The following LY75 variants were observed in gnomAD, a reference collection of about 807,000 sequenced individuals.
LY75 encodes the protein C-type lectin domain family 13 member B.
LY75 carries 185 observed loss-of-function variants against 231.7 expected under a neutral mutation model. That is an observed-to-expected ratio of 0.80 (90% CI 0.71 to 0.90). LY75 has a LOEUF of 0.90. Among genes scored for constraint, LY75 ranks in the 40% least tolerant of loss-of-function variants. LY75 has a pLI of 0.00. For missense variants in LY75, 1,947 were observed against 2,050.2 expected, an observed-to-expected ratio of 0.95 and a Z score of 0.97; for synonymous variants, 668 against 689.0, an observed-to-expected ratio of 0.97 and a Z score of 0.48.
At chr2:159,842,956 AC>A (rs1684084850) in intron 23 of LY75, among the ~76,000 whole-genome samples, 1 of 138,038 alleles carries the variant, frequency 7.2e-6, no homozygotes, top group African/African-American at 2.4e-5. Context: ...GGAGATACTG[AC>A]AAAAAAAAAT....
chr2:159,821,605 G>A (rs1395247782), intron 28 of LY75, among the ~76,000 whole-genome samples: 1 of 123,978 alleles, frequency 8.1e-6, no homozygotes, highest in African/African-American at 3.1e-5. Flanking sequence ...GGTGACAAGA[G>A]CAAAAGTCTG....
intron 20 of LY75, 140 bp downstream of exon 20, chr2:159,853,133 G>T: frequency 1.2e-6 from 1 of 809,928 alleles, no homozygotes; most frequent in Non-Finnish European, 1.9e-6. Flanking sequence ...GGGAATTTGA[G>T]CTATTGTTGC....
intron 6 of LY75, among the ~76,000 whole-genome samples, chr2:159,883,907 C>G (rs1685510826): frequency 6.6e-6 from 1 of 152,176 alleles, no homozygotes; most frequent in Admixed American, 6.6e-5. Context: ...CCTTCACTCA[C>G]AGTTCCTTAA....
rs775505818 is a variant in LY75 at position 159,853,371 on chromosome 2, T to C, written c.2664-19A>G. On this transcript the variant is annotated intron_variant, in intron 19 of 34. Coordinates refer to ENST00000263636, the MANE Select transcript of LY75 (RefSeq NM_002349.4). ...TCGTGAGCTAAAAGAAAATGACAGA[T>C]TTGACAACTCGTAATGTAATTAGGT... is the stretch of plus-strand genomic sequence containing the variant. The C allele has an allele frequency of 2.5e-6, 4 of 1,611,576 alleles. No homozygotes were observed. The highest frequency in any genetic ancestry group is 3.4e-6 in the Non-Finnish European group (4 of 1,178,536).
At position 159,904,670 on chromosome 2, in the gene LY75, A is replaced by C; in HGVS notation, c.13T>G (p.Trp5Gly). MRTG[W>G]ATPRRPAGLL... Reference sequence around the variant, plus strand: ...CCCGCCGGGCGGCGAGGGGTCGCCCAGCCTGTCCTCATCCTGAGCTGGCGC... The same window carrying C: ...CCCGCCGGGCGGCGAGGGGTCGCCCCGCCTGTCCTCATCCTGAGCTGGCGC... Residue 5 changes from tryptophan to glycine, a missense_variant, in exon 1 of 35, where the codon TGG becomes GGG. Physicochemically the swap from Trp to Gly is radical, Grantham distance 184. Coordinates refer to ENST00000263636, the MANE Select transcript of LY75 (RefSeq NM_002349.4). 6.8e-7 allele frequency: 1 copy of C among 1,475,610 alleles called. No homozygotes were observed. The allele number at this position is 1,475,610 out of a possible 1,614,324, so 91.4% of individuals were successfully genotyped here. A position where few individuals can be genotyped will look rare whatever the true frequency, so the allele number is the denominator to read the frequency against.
intron 28 of LY75, among the ~76,000 whole-genome samples, chr2:159,828,303 C>A (rs1052543150): frequency 2.0e-5 from 3 of 150,386 alleles, no homozygotes; most frequent in African/African-American, 7.3e-5. Flanking sequence ...AGAATTCTTA[C>A]CCCTCGACAA....
At chr2:159,864,286 T>C (rs1164108698) in intron 14 of LY75, among the ~76,000 whole-genome samples, 2 of 152,200 alleles carry the variant, frequency 1.3e-5, no homozygotes, top group African/African-American at 4.8e-5. Context: ...TCTGTGTTTT[T>C]GAGTTCGTAT....
At chr2:159,875,234 C>T (rs1045783488) in intron 12 of LY75, among the ~76,000 whole-genome samples, 1 of 151,748 alleles carries the variant, frequency 6.6e-6, no homozygotes, top group Non-Finnish European at 1.5e-5. Flanking sequence ...TGGCTTTGGG[C>T]CTGCCCTTTC....
At position 159,878,728 on chromosome 2, in the gene LY75, CA is replaced by C. The variant is rs1685347587; in HGVS notation, c.1516-8del. Reference sequence around the variant, plus strand: ...CTCCATGTCTCTTCCAGCCCTAAGTCAGAGGAAAAATATTGTCAAACTCTTT... The same window carrying C: ...CTCCATGTCTCTTCCAGCCCTAAGTCGAGGAAAAATATTGTCAAACTCTTT... On this transcript the variant is annotated splice_polypyrimidine_tract_variant and splice_region_variant and intron_variant, in intron 9 of 34. Coordinates refer to ENST00000263636, the MANE Select transcript of LY75 (RefSeq NM_002349.4). 6 of 1,613,616 alleles carry C rather than the reference CA, an allele frequency of 3.7e-6. No homozygotes were observed. The highest frequency in any genetic ancestry group is 5.1e-6 in the Non-Finnish European group (6 of 1,179,784).
intron 14 of LY75, among the ~76,000 whole-genome samples, chr2:159,861,909 C>A (rs1354380980): frequency 6.6e-6 from 1 of 151,994 alleles, no homozygotes; most frequent in Non-Finnish European, 1.5e-5. Flanking sequence ...AATTCCAACA[C>A]TTTGGGAGGC....
Position 159,879,144 on chromosome 2 carries a change from A to C in LY75, c.1515+115T>G, listed in dbSNP as rs1574586027. 20 of 1,184,690 alleles carry C rather than the reference A, an allele frequency of 1.7e-5. No individual in the cohort carries two copies. In the East Asian group the frequency reaches 5.0e-4, roughly 30 times the overall value. 73.4% of individuals were successfully genotyped at this position (1,184,690 alleles called of 1,614,324 possible). A position where few individuals can be genotyped will look rare whatever the true frequency, so the allele number is the denominator to read the frequency against. ...CTGGCTTGTTCTAACTTAAATGAAC[A>C]GAAGCTAGTAGTTTCCTCTATTTTA... On this transcript the variant is annotated intron_variant, in intron 9 of 34. Coordinates refer to ENST00000263636, the MANE Select transcript of LY75 (RefSeq NM_002349.4).
intron 3 of LY75, among the ~76,000 whole-genome samples, chr2:159,893,179 C>T (rs1190288784): frequency 6.6e-6 from 1 of 152,194 alleles, no homozygotes; most frequent in African/African-American, 2.4e-5. Flanking sequence ...ATTTCCCCAA[C>T]AGGCCAGTTT....
intron 2 of LY75, among the ~76,000 whole-genome samples, chr2:159,896,382 A>G (rs954925844): frequency 6.6e-6 from 1 of 152,206 alleles, no homozygotes; most frequent in Non-Finnish European, 1.5e-5. Flanking sequence ...ACAGTGATAA[A>G]TTAATGTTCT....
chr2:159,864,857 T>C lies in LY75; in HGVS notation c.2181A>G (p.Gln727=), dbSNP rs1438858103. Residue 727 remains glutamine (Q), a synonymous_variant, in exon 14 of 35, where the codon CAA becomes CAG. Coordinates refer to ENST00000263636, the MANE Select transcript of LY75 (RefSeq NM_002349.4). ...AACTTACTGGTGTACGATCACTCCA[T>C]TGCCAGGATCCTTGTAAATCTGGGC... ...KRSPDLQGSW[Q]WSDRTPVSTI... The C allele has an allele frequency of 6.2e-7, 1 of 1,604,102 alleles. No individual in the cohort carries two copies. Among genetic ancestry groups the C allele is most frequent in the East Asian group, 2.2e-5 (1 of 44,580 alleles).
Position 159,835,511 on chromosome 2 carries a change from A to C in LY75, c.3642T>G (p.Asn1214Lys). The C allele has an allele frequency of 6.2e-7, 1 of 1,611,428 alleles. No homozygotes were observed. Among genetic ancestry groups the C allele is most frequent in the African/African-American group, 1.3e-5 (1 of 74,990 alleles). ...AATAGTAGCAAATAGCACCTGGTTG[A>C]TTGTCATTGCAATCAACTGTTTTCC... ...GFWKTVDCND[N>K]QPGAICYYSG... The change falls in exon 26 of 35, where the codon AAT becomes AAG. Residue 1214 changes from asparagine (N) to lysine (K), a missense_variant. Transcript: ENST00000263636.
At chr2:159,853,546 T>G (rs1304947346) in intron 19 of LY75, 84 bp downstream of exon 19, 2 of 1,588,392 alleles carry the variant, frequency 1.3e-6, no homozygotes, top group African/African-American at 2.7e-5. Flanking sequence ...TTCAAACTAC[T>G]TATAAATAGA....
intron 4 of LY75, among the ~76,000 whole-genome samples, chr2:159,888,049 G>T (rs1685646297): frequency 6.6e-6 from 1 of 152,134 alleles, no homozygotes; most frequent in Non-Finnish European, 1.5e-5. Context: ...GGCTTATTTG[G>T]CAGATTTTCA....
In LY75 at chr2:159,881,110, C is replaced by T. The variant is rs11675155; in HGVS notation, c.1377G>A (p.Thr459=). The change falls in exon 8 of 35, where the codon ACG becomes ACA. Residue 459 remains threonine (T), a synonymous_variant. Coordinates refer to ENST00000263636, the MANE Select transcript of LY75 (RefSeq NM_002349.4). ...CTCCTAAGTAGGAAACACAGTTGGG[C>T]GTCTTATTGTAGGGAACATTTGGCT... ...ENEPNVPYNK[T]PNCVSYLGEL... The T allele has an allele frequency of 0.18, 289,240 of 1,613,004 alleles. 28,376 individuals are homozygous for T. The highest frequency in any genetic ancestry group is 0.38 in the Admixed American group (22,661 of 59,940).
chr2:159,880,970 T>C lies in LY75; in HGVS notation c.1404+113A>G, dbSNP rs546260007. 4 of 1,311,598 alleles carry C rather than the reference T, an allele frequency of 3.0e-6. No individual in the cohort carries two copies. In the African/African-American group the frequency reaches 4.4e-5, roughly 15 times the overall value. The allele number at this position is 1,311,598 out of a possible 1,614,324, so 81.2% of individuals were successfully genotyped here. ...CGTGGCTCTGTACCCTGATCCAGAG[T>C]GCTCTTACCTTTTATTTTCCAGCTT... On this transcript the variant is annotated intron_variant, in intron 8 of 34. Coordinates refer to ENST00000263636, the MANE Select transcript of LY75 (RefSeq NM_002349.4).
Sources: allele counts gnomAD v4.1 joint callset (sites outside exome capture counted in the v4.1 genomes callset), GRCh38; gene constraint gnomAD v4.1.1; transcripts MANE v1.5; gene names NCBI Gene and HGNC (gene_info 2026-07-23, HGNC 2026-07-21).